PADI1: variants seen among roughly 807,000 people sequenced by gnomAD.
PADI1 encodes protein-arginine deiminase type-1.
A neutral mutation model predicts 74.8 loss-of-function variants in PADI1; 65 were observed. That is an observed-to-expected ratio of 0.87 (90% CI 0.71 to 1.07). PADI1 has a LOEUF of 1.07. Among genes scored for constraint, PADI1 ranks in the 50% least tolerant of loss-of-function variants. PADI1 has a pLI of 0.00. For synonymous variants in PADI1, 371 were observed against 336.2 expected (o/e 1.10, Z -1.13); for missense variants, 943 against 854.0 (o/e 1.10, Z -1.30).
At chr1:17,205,428 G>C in intron 1 of PADI1, 119 bp downstream of exon 1, 2 of 776,806 alleles carry the variant, frequency 2.6e-6, no homozygotes, top group Non-Finnish European at 4.4e-6. Flanking sequence ...GGAGATAGCA[G>C]AGAAGGTGGA....
At chr1:17,233,167 C>T (rs989054029) in intron 11 of PADI1, among the ~76,000 whole-genome samples, 197 bp downstream of exon 11, 15 of 152,330 alleles carry the variant, frequency 9.8e-5, no homozygotes, top group East Asian at 3.9e-4. Context: ...AAAAGTCACA[C>T]GCTTGTGGCC....
At chr1:17,221,693 C>A (rs1000454142) in intron 1 of PADI1, among the ~76,000 whole-genome samples, 2 of 152,038 alleles carry the variant, frequency 1.3e-5, no homozygotes, top group Non-Finnish European at 2.9e-5. Flanking sequence ...GCCAGGACAG[C>A]CTTGCCATCT....
In PADI1 at chr1:17,224,268, C is replaced by G. The variant is rs894021378; in HGVS notation, c.347-99C>G. ...CCCCAGACAGGGCTTCCAGTCCTCACGGGCTTGGGGAGGGGTCAGAGTTTG... is the reference window on the plus strand; with the variant it reads ...CCCCAGACAGGGCTTCCAGTCCTCAGGGGCTTGGGGAGGGGTCAGAGTTTG... On this transcript the variant is annotated intron_variant, in intron 3 of 15. Coordinates refer to ENST00000375471, the MANE Select transcript of PADI1 (RefSeq NM_013358.3). 3.5e-5 allele frequency: 34 copies of G among 976,060 alleles called. No homozygotes were observed. In the South Asian group the frequency reaches 4.7e-4, roughly 14 times the overall value. The allele number at this position is 976,060 out of a possible 1,614,324, so 60.5% of individuals were successfully genotyped here.
chr1:17,240,836 G>T (rs112842996), intron 15 of PADI1, 76 bp downstream of exon 15: 76,676 of 1,541,280 alleles, frequency 0.05, 2,101 homozygotes, highest in Non-Finnish European at 0.057. Flanking sequence ...CCCAGGGCAG[G>T]CTGGTGCAGA....
chr1:17,210,457 C>T (rs2977272), intron 1 of PADI1, among the ~76,000 whole-genome samples: 35,778 of 151,980 alleles, frequency 0.24, 5,237 homozygotes, highest in Non-Finnish European at 0.33. Context: ...GTCCCCAGCC[C>T]CTGTTTATCT....
intron 8 of PADI1, 61 bp from the exon 9 acceptor site, chr1:17,230,024 A>G: frequency 6.5e-7 from 1 of 1,545,632 alleles, no homozygotes; most frequent in South Asian, 1.2e-5. Flanking sequence ...ACTGAAGGCC[A>G]CTCACACCTC....
rs184127368 is a variant in PADI1 at position 17,220,631 on chromosome 1, T to C, written c.93-1659T>C. ...TGTAAGTGGACTTGACCTTGGGTGGTGTCCTGGTGGCTGATGGCTCTGCCG... is the reference window on the plus strand; with the variant it reads ...TGTAAGTGGACTTGACCTTGGGTGGCGTCCTGGTGGCTGATGGCTCTGCCG... On this transcript the variant is annotated intron_variant, in intron 1 of 15. Coordinates refer to ENST00000375471, the MANE Select transcript of PADI1 (RefSeq NM_013358.3). Among the ~76,000 whole-genome samples the C allele has an allele frequency of 2.6e-5, 4 of 152,236 alleles. No homozygotes were observed. In the East Asian group the frequency reaches 7.7e-4, roughly 29 times the overall value.
At chr1:17,217,897 T>C (rs918771130) in intron 1 of PADI1, among the ~76,000 whole-genome samples, 12 of 152,246 alleles carry the variant, frequency 7.9e-5, no homozygotes, top group Non-Finnish European at 1.5e-4. Context: ...ATTGCGTCTA[T>C]AGCCATGACA....
Position 17,228,943 on chromosome 1 carries a change from C to A in PADI1, c.826-5C>A. 1 of 1,596,832 alleles carries A rather than the reference C, an allele frequency of 6.3e-7. No homozygotes were observed. On this transcript the variant is annotated splice_polypyrimidine_tract_variant and splice_region_variant and intron_variant, in intron 7 of 15. Coordinates refer to ENST00000375471, the MANE Select transcript of PADI1 (RefSeq NM_013358.3). ...GGGCCCACCAAGTCCTCATTTTCCC[C>A]TCAGACCCTGCCCGAGGTGACCCTC...
In PADI1 at chr1:17,244,742, C is replaced by T; in HGVS notation, c.*499C>T. The T allele has an allele frequency of 2.9e-5, 10 of 342,854 alleles. No individual in the cohort carries two copies. The highest frequency in any genetic ancestry group is 2.1e-4 in the South Asian group (9 of 43,796). 21.2% of individuals were successfully genotyped at this position (342,854 alleles called of 1,614,324 possible). A position where few individuals can be genotyped will look rare whatever the true frequency, so the allele number is the denominator to read the frequency against. ...TCTCCCCGCTCTAGGTTTCTTCTCCCAAAGGGGACCCAAGGCTGTGACACT... is the reference window on the plus strand; with the variant it reads ...TCTCCCCGCTCTAGGTTTCTTCTCCTAAAGGGGACCCAAGGCTGTGACACT... On this transcript the variant is annotated 3_prime_UTR_variant, in exon 16 of 16. Transcript: ENST00000375471.
intron 4 of PADI1, among the ~76,000 whole-genome samples, chr1:17,224,732 AC>A (rs1161453056): frequency 1.3e-5 from 2 of 151,656 alleles, no homozygotes; most frequent in Non-Finnish European, 2.9e-5. Flanking sequence ...CTATATTTGG[AC>A]CCCTACACAT....
intron 8 of PADI1, among the ~76,000 whole-genome samples, chr1:17,229,679 T>C (rs2072430615): frequency 6.6e-6 from 1 of 152,150 alleles, no homozygotes; most frequent in African/African-American, 2.4e-5. Flanking sequence ...GTGTAGGTGT[T>C]AAAAAGAGAC....
Position 17,243,376 on chromosome 1 carries a change from T to C in PADI1, c.1759-634T>C, listed in dbSNP as rs555496827. On this transcript the variant is annotated intron_variant, in intron 15 of 15. Coordinates refer to ENST00000375471, the MANE Select transcript of PADI1 (RefSeq NM_013358.3). ...CCCACAGGTGGCCAGATAAAAAGCA[T>C]GGATTTTGGCACCAGCCAGATCCAA... 3.3e-5 allele frequency among the ~76,000 whole-genome samples: 5 copies of C among 152,346 alleles called. No homozygotes were observed. The East Asian group carries it at 5.8e-4, about 18-fold the overall frequency.
intron 11 of PADI1, among the ~76,000 whole-genome samples, chr1:17,236,545 A>G (rs1310159291): frequency 6.6e-6 from 1 of 152,176 alleles, no homozygotes; most frequent in African/African-American, 2.4e-5. Context: ...GCTTGAATCC[A>G]GGAGTTTAAG....
chr1:17,218,397 C>T (rs1224622094), intron 1 of PADI1, among the ~76,000 whole-genome samples: 2 of 152,110 alleles, frequency 1.3e-5, no homozygotes, highest in Non-Finnish European at 2.9e-5. Flanking sequence ...GCCAGCACAC[C>T]ACTGCCTGGA....
intron 1 of PADI1, among the ~76,000 whole-genome samples, chr1:17,211,197 T>C (rs2071825286): frequency 7.7e-6 from 1 of 129,920 alleles, no homozygotes; most frequent in Non-Finnish European, 1.7e-5. Context: ...ATGGCAGCCC[T>C]GGTTTTTTGT....
In PADI1 at chr1:17,230,573, ACGAGATGGAGTTTGG is replaced by A; in HGVS notation, c.1057_1071del (p.Glu353_Gly357del). ...GCTTTTTCATCTCTCCCCTCCCAGG[ACGAGATGGAGTTTGG>A]CTACATCGAGGCCCCTCACAAATCC... On this transcript the variant is annotated inframe_deletion and splice_region_variant, in exon 10 of 16. Transcript: ENST00000375471. The A allele has an allele frequency of 6.2e-7, 1 of 1,603,152 alleles. No homozygotes were observed. Among genetic ancestry groups the A allele is most frequent in the Non-Finnish European group, 8.5e-7 (1 of 1,173,364 alleles).
chr1:17,244,140 T>C lies in PADI1; in HGVS notation c.1889T>C (p.Ile630Thr), dbSNP rs2072832975. The C allele has an allele frequency of 5.0e-6, 8 of 1,614,210 alleles. No homozygotes were observed. The South Asian group carries it at 6.6e-5, about 13-fold the overall frequency. Residue 630 changes from isoleucine to threonine, a missense_variant, in exon 16 of 16, where the codon ATT (isoleucine) becomes ACT (threonine). Coordinates refer to ENST00000375471, the MANE Select transcript of PADI1 (RefSeq NM_013358.3). ...CCTCTGGGCCTGCACTGCATCTTCATTGATGACTACTTGTCCTACCACGAG... is the reference window on the plus strand; with the variant it reads ...CCTCTGGGCCTGCACTGCATCTTCACTGATGACTACTTGTCCTACCACGAG... ...LEPLGLHCIF[I>T]DDYLSYHELQ...
Position 17,205,174 on chromosome 1 carries a change from G to A in PADI1, c.-44G>A, listed in dbSNP as rs773933619. 6.6e-7 allele frequency: 1 copy of A among 1,523,116 alleles called. No homozygotes were observed. The highest frequency in any genetic ancestry group is 9.1e-7 in the Non-Finnish European group (1 of 1,098,578). The allele number at this position is 1,523,116 out of a possible 1,614,324, so 94.4% of individuals were successfully genotyped here. On this transcript the variant is annotated 5_prime_UTR_variant, in exon 1 of 16. Coordinates refer to ENST00000375471, the MANE Select transcript of PADI1 (RefSeq NM_013358.3). ...CAAAGAAGTGCCCAGGACGGGAGCT[G>A]GGGAGCCAGGGCTGATCTAGGAGGC...
Sources: allele counts gnomAD v4.1 joint callset (sites outside exome capture counted in the v4.1 genomes callset), GRCh38; gene constraint gnomAD v4.1.1; transcripts MANE v1.5; gene names NCBI Gene and HGNC (gene_info 2026-07-23, HGNC 2026-07-21).